The following ATP11C variants were observed in gnomAD, a reference collection of about 807,000 sequenced individuals.
The protein encoded by ATP11C is phospholipid-transporting ATPase IG.
A neutral mutation model predicts 97.4 loss-of-function variants in ATP11C; 36 were observed. The ratio of observed to expected loss-of-function variants is 0.37; its 90% CI spans 0.28 to 0.49. The LOEUF is 0.49. Among genes scored for constraint, ATP11C ranks in the 20% least tolerant of loss-of-function variants. ATP11C has a pLI of 0.98. For missense variants in ATP11C, 730 were observed against 824.6 expected, an observed-to-expected ratio of 0.89 and a Z score of 1.40; for synonymous variants, 275 against 290.9, an observed-to-expected ratio of 0.95 and a Z score of 0.56.
At chrX:139,902,415 T>G (rs2084912698) in intron 1 of ATP11C, among the ~76,000 whole-genome samples, 2 of 111,522 alleles carry the variant, frequency 1.8e-5, no homozygotes, top group Admixed American at 1.9e-4. Context: ...CTGATATGAC[T>G]ATGTAGTTCC....
At chrX:139,905,788 G>A (rs1357333185) in intron 1 of ATP11C, among the ~76,000 whole-genome samples, 1 of 111,666 alleles carries the variant, frequency 9.0e-6, no homozygotes, top group Non-Finnish European at 1.9e-5. Flanking sequence ...ATTGCCTGCT[G>A]TAATTGGAAA....
rs758705458 is a variant in ATP11C at position 139,892,470 on chromosome X, T to C, written c.27+39546A>G. On this transcript the variant is annotated intron_variant, in intron 1 of 29. Transcript: ENST00000682941. ...AATTAGTGGGTGAGCATCTATAACA[T>C]CAGGATTGGGCAGCAAAGACCCAAC... is the stretch of plus-strand genomic sequence containing the variant. 2.7e-5 allele frequency among the ~76,000 whole-genome samples: 3 copies of C among 111,481 alleles called. No individual in the cohort carries two copies. The East Asian group carries it at 8.5e-4, about 32-fold the overall frequency.
rs1002701200 is a variant in ATP11C at position 139,749,119 on chromosome X, A to T, written c.2828+906T>A. Among the ~76,000 whole-genome samples the T allele has an allele frequency of 3.6e-5, 4 of 111,992 alleles. No homozygotes were observed. In the Admixed American group the frequency reaches 3.8e-4, roughly 11 times the overall value. On this transcript the variant is annotated intron_variant, in intron 24 of 29. Transcript: ENST00000682941. ...GTTGTTGAAGCTGAGTGGTTAGGAC[A>T]AGCTGAGTGGTTCAACAACTATTTA...
At chrX:139,798,181 ATGT>A (rs777018287) in intron 10 of ATP11C, 89 bp downstream of exon 10, 262 of 733,544 alleles carry the variant, frequency 3.6e-4, no homozygotes, top group African/African-American at 1.7e-3. Flanking sequence ...ATTATAATTG[ATGT>A]TGTTTTTTGT....
At position 139,870,188 on chromosome X, in the gene ATP11C, A is replaced by G. The variant is rs768318619; in HGVS notation, c.28-43365T>C. Among the ~76,000 whole-genome samples the G allele has an allele frequency of 4.5e-5, 5 of 112,043 alleles. No homozygotes were observed. The South Asian group carries it at 1.5e-3, about 33-fold the overall frequency. On this transcript the variant is annotated intron_variant, in intron 1 of 29. Transcript: ENST00000682941. ...AAACTCATCAAATTGTATGCATTAA[A>G]TATGTGCAGTTTTATCAATTATAAT...
intron 1 of ATP11C, among the ~76,000 whole-genome samples, chrX:139,877,778 T>C (rs2084498563): frequency 8.9e-6 from 1 of 111,834 alleles, no homozygotes; most frequent in African/African-American, 3.3e-5. Flanking sequence ...ACACAACACT[T>C]TGGGAGGCCA....
rs1292080570 is a variant in ATP11C at position 139,789,396 on chromosome X, A to T, written c.1299T>A (p.Gly433=). The stretch of plus-strand genomic sequence containing the variant: ...ATAATCCATCAACCTCTTGAGTTAC[A>T]CCTTTATATTTGTGGCCATCTATGC... ...ECCIDGHKYK[G]VTQEVDGLSQ... is the part of the protein sequence containing the mutation. Residue 433 remains glycine (G), a synonymous_variant, in exon 13 of 30, where the codon GGT becomes GGA. Transcript: ENST00000682941. The T allele has an allele frequency of 4.1e-6, 5 of 1,205,431 alleles. No homozygotes were observed. In the African/African-American group the frequency reaches 7.0e-5, roughly 17 times the overall value.
In ATP11C at chrX:139,804,483, T is replaced by G. The variant is rs779312013; in HGVS notation, c.543A>C (p.Glu181Asp). The G allele has an allele frequency of 8.3e-7, 1 of 1,204,385 alleles. No individual in the cohort carries two copies. Among genetic ancestry groups the G allele is most frequent in the South Asian group, 1.8e-5 (1 of 54,860 alleles). ...CYVTTASLDGESNCKTHYAVR... is the reference protein window; with the variant it reads ...CYVTTASLDGDSNCKTHYAVR... ...TTTAGTCTGTTACCTTGCAATTGGA[T>G]TCCCCATCAAGACTGGCTGTAGTGA... The change falls in exon 6 of 30, where the codon GAA becomes GAC. Residue 181 changes from glutamate to aspartate, a missense_variant. Coordinates refer to ENST00000682941, the MANE Select transcript of ATP11C (RefSeq NM_001353812.2).
chrX:139,738,513 A>G (rs1202096440), intron 27 of ATP11C, among the ~76,000 whole-genome samples: 3 of 112,182 alleles, frequency 2.7e-5, no homozygotes, highest in African/African-American at 9.7e-5. Flanking sequence ...CAATAAAAAC[A>G]CTATGTAAAT....
At chrX:139,757,985 A>C in intron 22 of ATP11C, 118 bp from the exon 23 acceptor site, 1 of 456,123 alleles carries the variant, frequency 2.2e-6, no homozygotes, top group Non-Finnish European at 3.6e-6. Flanking sequence ...CTAATGTCAG[A>C]ATGCAATAAA....
In ATP11C at chrX:139,801,013, C is replaced by T. The variant is rs754542838; in HGVS notation, c.660-903G>A. ...TAAAAGTAAATAGGCAATTACGACG[C>T]AAGTGCTTACCACTAGAGTGATAGA... On this transcript the variant is annotated intron_variant, in intron 7 of 29. Transcript: ENST00000682941. Among the ~76,000 whole-genome samples the T allele has an allele frequency of 3.6e-5, 4 of 112,141 alleles. No individual in the cohort carries two copies. In the East Asian group the frequency reaches 1.1e-3, roughly 32 times the overall value.
chrX:139,801,300 C>T (rs1006508951), intron 7 of ATP11C, among the ~76,000 whole-genome samples: 2 of 112,111 alleles, frequency 1.8e-5, no homozygotes, highest in African/African-American at 3.2e-5. Flanking sequence ...ATCTCTTGCT[C>T]ACAGTGAGTC....
intron 28 of ATP11C, chrX:139,732,641 C>T (rs966763368): frequency 5.0e-6 from 1 of 198,789 alleles, no homozygotes; most frequent in African/African-American, 3.2e-5. Context: ...AAAAAGAAAA[C>T]TTGAGAATTC....
Position 139,902,912 on chromosome X carries a change from G to T in ATP11C, c.27+29104C>A, listed in dbSNP as rs776108582. ...TGAAATTAAAGAAATGAATAAATGG[G>T]ATATTGAGGAAAATTAAATATTATG... is the stretch of plus-strand genomic sequence containing the variant. On this transcript the variant is annotated intron_variant, in intron 1 of 29. Coordinates refer to ENST00000682941, the MANE Select transcript of ATP11C (RefSeq NM_001353812.2). Among the ~76,000 whole-genome samples the T allele has an allele frequency of 3.6e-5, 4 of 111,535 alleles. No individual in the cohort carries two copies. In the South Asian group the frequency reaches 1.5e-3, roughly 42 times the overall value.
chrX:139,757,008 G>GA (rs1161632112), intron 23 of ATP11C, among the ~76,000 whole-genome samples: 19 of 103,054 alleles, frequency 1.8e-4, no homozygotes, highest in Non-Finnish European at 3.6e-4. Flanking sequence ...AAAGAATTAG[G>GA]AAAAAATCAC....
chrX:139,891,498 A>G (rs2084730618), intron 1 of ATP11C, among the ~76,000 whole-genome samples: 1 of 111,792 alleles, frequency 8.9e-6, no homozygotes, highest in Non-Finnish European at 1.9e-5. Context: ...CTCCCGCCCA[A>G]TGTATATCTC....
At chrX:139,756,191 GACAT>G (rs1424764434) in intron 23 of ATP11C, among the ~76,000 whole-genome samples, 1 of 112,066 alleles carries the variant, frequency 8.9e-6, no homozygotes, top group Non-Finnish European at 1.9e-5. Flanking sequence ...CTTTTCAAAA[GACAT>G]ACACGCAGCC....
rs1348889674 is a variant in ATP11C, at chrX:139,727,238, C to T, written c.*1728G>A. 1.8e-5 allele frequency: 2 copies of T among 111,941 alleles called. No homozygotes were observed. The highest frequency in any genetic ancestry group is 3.8e-5 in the Non-Finnish European group (2 of 53,043). 9.2% of individuals were successfully genotyped at this position (111,941 alleles called of 1,213,427 possible). On this transcript the variant is annotated 3_prime_UTR_variant, in exon 30 of 30. Transcript: ENST00000682941. ...AATACAGCAACAACAACCATAAGAACAAGAAAACAAACACAAAATATCAAA... is the reference window on the plus strand; with the variant it reads ...AATACAGCAACAACAACCATAAGAATAAGAAAACAAACACAAAATATCAAA...
chrX:139,802,358 A>G lies in ATP11C; in HGVS notation c.556-19T>C. ...AATGTGTCTAGTTGAAAGCAGAAGA[A>G]AAAGTGAAAACCAAAAAAACTTTCT... is the stretch of plus-strand genomic sequence containing the variant. On this transcript the variant is annotated intron_variant, in intron 6 of 29. Coordinates refer to ENST00000682941, the MANE Select transcript of ATP11C (RefSeq NM_001353812.2). 3 of 1,101,781 alleles carry G rather than the reference A, an allele frequency of 2.7e-6. No homozygotes were observed. Among genetic ancestry groups the G allele is most frequent in the Middle Eastern group, 2.4e-4 (1 of 4,086 alleles). The allele number at this position is 1,101,781 out of a possible 1,213,427, so 90.8% of individuals were successfully genotyped here. A position where few individuals can be genotyped will look rare whatever the true frequency, so the allele number is the denominator to read the frequency against.
Sources: allele counts gnomAD v4.1 joint callset (sites outside exome capture counted in the v4.1 genomes callset), GRCh38; gene constraint gnomAD v4.1.1; transcripts MANE v1.5; gene names NCBI Gene and HGNC (gene_info 2026-07-23, HGNC 2026-07-21).